Variants in KLHL18 observed in about 807,000 individuals in gnomAD.
KLHL18 encodes the protein kelch like family member 18.
In KLHL18, 38 loss-of-function variants were observed where a neutral mutation model predicts 58.5. The ratio of observed to expected loss-of-function variants is 0.65; its 90% CI spans 0.50 to 0.85. The LOEUF (loss-of-function observed/expected upper bound fraction) is 0.85, where lower values mean the gene tolerates loss of function less well. KLHL18 is among the 40% of genes least tolerant of loss of function. KLHL18 has a pLI of 0.00. For synonymous variants in KLHL18, 303 were observed against 301.9 expected (o/e 1.00, Z -0.04); for missense variants, 624 against 778.4 (o/e 0.80, Z 2.36).
chr3:47,335,827 A>G (rs1703971765), intron 6 of KLHL18, among the ~76,000 whole-genome samples: 1 of 151,968 alleles, frequency 6.6e-6, no homozygotes, highest in South Asian at 2.1e-4. Flanking sequence ...TTTTAATTGA[A>G]GGTTAATGAG....
chr3:47,285,926 G>C (rs1323690368), intron 1 of KLHL18, among the ~76,000 whole-genome samples: 1 of 152,026 alleles, frequency 6.6e-6, no homozygotes, highest in Non-Finnish European at 1.5e-5. Context: ...GTCTTTCTTA[G>C]CTGCTCAGGA....
chr3:47,324,678 A>AG (rs1399327033), intron 3 of KLHL18, among the ~76,000 whole-genome samples: 1 of 151,944 alleles, frequency 6.6e-6, no homozygotes, highest in Non-Finnish European at 1.5e-5. Context: ...ACAAAAAAAA[A>AG]ATTTTTTTAA....
intron 7 of KLHL18, among the ~76,000 whole-genome samples, chr3:47,340,212 C>T (rs1332528235): frequency 6.6e-6 from 1 of 152,128 alleles, no homozygotes; most frequent in Non-Finnish European, 1.5e-5. Context: ...TAATAAGCCA[C>T]TCAGGGAGCG....
At chr3:47,300,798 C>T (rs1703008904) in intron 1 of KLHL18, among the ~76,000 whole-genome samples, 1 of 151,868 alleles carries the variant, frequency 6.6e-6, no homozygotes, top group African/African-American at 2.4e-5. Context: ...GCCACTATGC[C>T]TGGCTAATTT....
At chr3:47,295,344 A>G (rs541780892) in intron 1 of KLHL18, among the ~76,000 whole-genome samples, 1 of 152,038 alleles carries the variant, frequency 6.6e-6, no homozygotes, top group African/African-American at 2.4e-5. Flanking sequence ...CCTCTCTGCT[A>G]TTCTACCCTG....
In KLHL18 at chr3:47,288,901, C is replaced by A. The variant is rs200630755; in HGVS notation, c.129+5807C>A. On this transcript the variant is annotated intron_variant, in intron 1 of 9. Transcript: ENST00000232766. ...ATCCCTTCTTCCCAGCGTTGAGTTT[C>A]GTGTCCTTTGCTCTGGGCTGCCAGG... 3.3e-5 allele frequency among the ~76,000 whole-genome samples: 5 copies of A among 152,354 alleles called. No homozygotes were observed. In the East Asian group the frequency reaches 9.6e-4, roughly 29 times the overall value.
Position 47,346,218 on chromosome 3 carries a change from T to C in KLHL18, c.*2277T>C, listed in dbSNP as rs1403777162. ...GGGTATGGCAGATCATTTTCTACCA[T>C]GGCCTGCTGCTCTTGTAGTGGACTT... On this transcript the variant is annotated 3_prime_UTR_variant, in exon 10 of 10. Transcript: ENST00000232766. 6.6e-6 allele frequency: 1 copy of C among 152,652 alleles called. No individual in the cohort carries two copies. Among genetic ancestry groups the C allele is most frequent in the Non-Finnish European group, 1.5e-5 (1 of 68,050 alleles). The allele number at this position is 152,652 out of a possible 1,614,324, so 9.5% of individuals were successfully genotyped here.
At position 47,342,912 on chromosome 3, in the gene KLHL18, T is replaced by G. The variant is rs1465756473; in HGVS notation, c.1338+82T>G. ...TTAGAAGATCATTATTTGAAAAAAC[T>G]TCAGCCTTGCCACAGCTGAATAAAG... On this transcript the variant is annotated intron_variant, in intron 9 of 9. Transcript: ENST00000232766. 4 of 1,083,312 alleles carry G rather than the reference T, an allele frequency of 3.7e-6. No homozygotes were observed. In the African/African-American group the frequency reaches 4.6e-5, roughly 13 times the overall value. 67.1% of individuals were successfully genotyped at this position (1,083,312 alleles called of 1,614,324 possible).
intron 2 of KLHL18, 94 bp downstream of exon 2, chr3:47,319,877 T>C: frequency 7.7e-6 from 10 of 1,298,902 alleles, no homozygotes; most frequent in Non-Finnish European, 1.1e-5. Context: ...CAGGACACAG[T>C]GTCTAATAGC....
At chr3:47,341,194 T>C (rs1704101716) in intron 8 of KLHL18, among the ~76,000 whole-genome samples, 1 of 152,214 alleles carries the variant, frequency 6.6e-6, no homozygotes, top group Non-Finnish European at 1.5e-5. Flanking sequence ...CACCATCTTG[T>C]GGGACTCATT....
intron 4 of KLHL18, 92 bp from the exon 5 acceptor site, chr3:47,333,065 C>A: frequency 7.5e-7 from 1 of 1,327,000 alleles, no homozygotes; most frequent in Non-Finnish European, 1.0e-6. Context: ...GGGACTGCTT[C>A]AGTATAGGAA....
Position 47,322,563 on chromosome 3 carries a change from T to C in KLHL18, c.261-5T>C, listed in dbSNP as rs1473782989. 2.5e-6 allele frequency: 4 copies of C among 1,591,780 alleles called. No individual in the cohort carries two copies. In the Admixed American group the frequency reaches 5.3e-5, roughly 21 times the overall value. ...GCACCTCACAGCTTTCCCTCTTTCCTCTAGTGCCCTGGAGGCTCTGATCAA... is the reference window on the plus strand; with the variant it reads ...GCACCTCACAGCTTTCCCTCTTTCCCCTAGTGCCCTGGAGGCTCTGATCAA... On this transcript the variant is annotated splice_region_variant and splice_polypyrimidine_tract_variant and intron_variant, in intron 2 of 9. Transcript: ENST00000232766.
At chr3:47,313,363 G>A (rs963596910) in intron 1 of KLHL18, among the ~76,000 whole-genome samples, 4 of 152,098 alleles carry the variant, frequency 2.6e-5, no homozygotes, top group East Asian at 1.9e-4. Context: ...GACTACAGAC[G>A]CATACCACTG....
intron 3 of KLHL18, among the ~76,000 whole-genome samples, chr3:47,323,191 CA>C (rs1421804371): frequency 6.6e-6 from 1 of 152,008 alleles, no homozygotes; most frequent in African/African-American, 2.4e-5. Context: ...CATGTTCCAG[CA>C]ATCCTCCCAC....
intron 3 of KLHL18, among the ~76,000 whole-genome samples, chr3:47,324,783 GTTACAATCACC>G (rs771152752): frequency 5.3e-5 from 8 of 152,088 alleles, no homozygotes; most frequent in Non-Finnish European, 8.8e-5. Flanking sequence ...GCTGCAGTGA[GTTACAATCACC>G]TTACTCCAGC....
chr3:47,288,220 C>CAAAAA (rs768468646), intron 1 of KLHL18, among the ~76,000 whole-genome samples: 5 of 44,626 alleles, frequency 1.1e-4, no homozygotes, highest in African/African-American at 4.0e-4. Flanking sequence ...ACTCTGTCTC[C>CAAAAA]AAAAAAAAAA....
intron 1 of KLHL18, among the ~76,000 whole-genome samples, chr3:47,317,939 G>A (rs1321359078): frequency 6.6e-6 from 1 of 152,150 alleles, no homozygotes; most frequent in Non-Finnish European, 1.5e-5. Flanking sequence ...CACGATCTTG[G>A]CTCACTGCAG....
At chr3:47,316,595 GTATA>G (rs1703440812) in intron 1 of KLHL18, among the ~76,000 whole-genome samples, 6 of 117,642 alleles carry the variant, frequency 5.1e-5, no homozygotes, top group Admixed American at 2.6e-4. Context: ...ACATATATAC[GTATA>G]TATGTATATG....
At position 47,343,843 on chromosome 3, in the gene KLHL18, A is replaced by G. The variant is rs370360985; in HGVS notation, c.1627A>G (p.Met543Val). ...ACAGTCAAACCTAAGCTCAGTGGAG[A>G]TGTATGACCCAGAGACAGACTGCTG... ...DGQSNLSSVEMYDPETDCWTF... is the reference protein window; with the variant it reads ...DGQSNLSSVEVYDPETDCWTF... The change falls in exon 10 of 10, where the codon ATG becomes GTG. Residue 543 changes from methionine to valine, a missense_variant. Coordinates refer to ENST00000232766, the MANE Select transcript of KLHL18 (RefSeq NM_025010.5). 12 of 1,613,984 alleles carry G rather than the reference A, an allele frequency of 7.4e-6. No individual in the cohort carries two copies. In the African/African-American group the frequency reaches 1.6e-4, roughly 22 times the overall value.
Sources: allele counts gnomAD v4.1 joint callset (sites outside exome capture counted in the v4.1 genomes callset), GRCh38; gene constraint gnomAD v4.1.1; transcripts MANE v1.5; gene names NCBI Gene and HGNC (gene_info 2026-07-23, HGNC 2026-07-21).